TTC23: variants seen among roughly 807,000 people sequenced by gnomAD.
TTC23 encodes the protein tetratricopeptide repeat domain 23, also known as tetratricopeptide repeat protein 23.
Under a neutral mutation model 55.1 loss-of-function variants are expected in TTC23, and 58 were observed. That is an observed-to-expected ratio of 1.05 (90% CI 0.85 to 1.31). The LOEUF (loss-of-function observed/expected upper bound fraction) is 1.31. Among genes scored for constraint, TTC23 ranks in the 50% most tolerant of loss-of-function variants. The probability of loss-of-function intolerance (pLI) is 0.00; values close to 1 mark genes in which losing one functional copy is unlikely to be tolerated. For synonymous variants in TTC23, 203 were observed against 199.9 expected (o/e 1.02, Z -0.13); for missense variants, 516 against 534.4 (o/e 0.97, Z 0.34).
At chr15:99,199,705 G>C (rs1195044215) in intron 9 of TTC23, among the ~76,000 whole-genome samples, 1 of 152,118 alleles carries the variant, frequency 6.6e-6, no homozygotes, top group Non-Finnish European at 1.5e-5. Flanking sequence ...GGCTGTTTGT[G>C]GTTTGTGCAA....
At chr15:99,165,559 T>A (rs1404999112) in intron 10 of TTC23, among the ~76,000 whole-genome samples, 2 of 152,224 alleles carry the variant, frequency 1.3e-5, no homozygotes, top group African/African-American at 4.8e-5. Context: ...CAGCTGGCCC[T>A]GGGGTCTGCA....
intron 5 of TTC23, among the ~76,000 whole-genome samples, chr15:99,225,196 C>G (rs1362415202): frequency 6.6e-6 from 1 of 152,160 alleles, no homozygotes; most frequent in African/African-American, 2.4e-5. Flanking sequence ...ATACAAGAAA[C>G]AGCTTGTCCT....
At chr15:99,181,489 T>G (rs2151945477) in intron 9 of TTC23, among the ~76,000 whole-genome samples, 3 of 152,318 alleles carry the variant, frequency 2.0e-5, no homozygotes, top group East Asian at 3.9e-4. Flanking sequence ...GTTTGTGCCT[T>G]AATTCAAAAG....
In TTC23 at chr15:99,195,149, G is replaced by A. The variant is rs564258060; in HGVS notation, c.759+4770C>T. Reference sequence around the variant, plus strand: ...TGTCAAGAGAATTAAAAGAAAAGCCGCAGACTGGGAGAAAATCTTACAAAA... The same window carrying A: ...TGTCAAGAGAATTAAAAGAAAAGCCACAGACTGGGAGAAAATCTTACAAAA... On this transcript the variant is annotated intron_variant, in intron 9 of 13. Transcript: ENST00000394132. Among the ~76,000 whole-genome samples, 5 of 152,238 alleles carry A rather than the reference G, an allele frequency of 3.3e-5. No individual in the cohort carries two copies. In the South Asian group the frequency reaches 6.2e-4, roughly 19 times the overall value.
At chr15:99,148,317 C>T (rs1428745731) in intron 12 of TTC23, among the ~76,000 whole-genome samples, 4 of 126,518 alleles carry the variant, frequency 3.2e-5, no homozygotes, top group Non-Finnish European at 6.3e-5. Context: ...GCCGAGATCG[C>T]GACACTGCAC....
intron 5 of TTC23, among the ~76,000 whole-genome samples, chr15:99,222,612 C>T (rs1418885940): frequency 6.6e-6 from 1 of 152,188 alleles, no homozygotes; most frequent in East Asian, 1.9e-4. Flanking sequence ...CAGTTTCATT[C>T]AGGGATAGGA....
rs782797991 is a variant in TTC23 at position 99,137,998 on chromosome 15, A to G, written c.*12T>C. Reference sequence around the variant, plus strand: ...GCCCAGGAATGTCCTAGGCTTTTTCAGGGTGGGGGCCTCAGTCTGCTGTTG... The same window carrying G: ...GCCCAGGAATGTCCTAGGCTTTTTCGGGGTGGGGGCCTCAGTCTGCTGTTG... On this transcript the variant is annotated 3_prime_UTR_variant, in exon 14 of 14. Coordinates refer to ENST00000394132, the MANE Select transcript of TTC23 (RefSeq NM_001288615.3). The G allele has an allele frequency of 1.2e-6, 2 of 1,614,006 alleles. No individual in the cohort carries two copies. The highest frequency in any genetic ancestry group is 4.5e-5 in the East Asian group (2 of 44,870).
At chr15:99,239,205 T>A (rs1431201113) in intron 3 of TTC23, among the ~76,000 whole-genome samples, 1 of 152,080 alleles carries the variant, frequency 6.6e-6, no homozygotes, top group Non-Finnish European at 1.5e-5. Context: ...AAAGGTCGGC[T>A]GGGCATGGTG....
chr15:99,207,199 T>A (rs962186456), intron 8 of TTC23, among the ~76,000 whole-genome samples: 8 of 152,080 alleles, frequency 5.3e-5, no homozygotes, highest in Non-Finnish European at 1.2e-4. Context: ...AAAAGATAGG[T>A]AAAATTGATC....
At chr15:99,138,331 TCAGA>T (rs1217779309) in intron 13 of TTC23, among the ~76,000 whole-genome samples, 8 of 152,104 alleles carry the variant, frequency 5.3e-5, no homozygotes, top group African/African-American at 1.7e-4. Flanking sequence ...TTTTTTTTTT[TCAGA>T]CAGAGTCTCA....
Position 99,221,804 on chromosome 15 carries a change from C to A in TTC23, c.241G>T (p.Asp81Tyr). 6.2e-7 allele frequency: 1 copy of A among 1,614,186 alleles called. No individual in the cohort carries two copies. The highest frequency in any genetic ancestry group is 8.5e-7 in the Non-Finnish European group (1 of 1,180,030). The change falls in exon 6 of 14, where the codon GAC becomes TAC. Residue 81 changes from aspartate to tyrosine, a missense_variant. By Grantham distance (160) the Asp-to-Tyr change is radical. Coordinates refer to ENST00000394132, the MANE Select transcript of TTC23 (RefSeq NM_001288615.3). ...CVALTRICYG[D>Y]SHWKLAEAHV... ...GCCTCTGCTAGTTTCCAATGTGAGT[C>A]TCCATAGCAAATTCTTGTCAGTGCT...
intron 3 of TTC23, among the ~76,000 whole-genome samples, chr15:99,238,341 T>C (rs2079493136): frequency 6.6e-6 from 1 of 152,076 alleles, no homozygotes; most frequent in Non-Finnish European, 1.5e-5. Context: ...GGCTAATGTA[T>C]TACGCAGAAA....
At chr15:99,184,194 G>A (rs188391074) in intron 9 of TTC23, among the ~76,000 whole-genome samples, 1 of 152,352 alleles carries the variant, frequency 6.6e-6, no homozygotes, top group East Asian at 1.9e-4. Context: ...TGCTAGGGCA[G>A]TGTGGAAAGG....
intron 9 of TTC23, among the ~76,000 whole-genome samples, chr15:99,176,634 T>C (rs1316397800): frequency 1.3e-5 from 2 of 151,986 alleles, no homozygotes; most frequent in Non-Finnish European, 2.9e-5. Context: ...CACAAAAAGA[T>C]AAAAAAGGAA....
chr15:99,244,975 T>C (rs893782581), intron 2 of TTC23, among the ~76,000 whole-genome samples: 3 of 152,186 alleles, frequency 2.0e-5, no homozygotes, highest in Admixed American at 6.5e-5. Flanking sequence ...ATGGTAACTA[T>C]AGAAAATAAT....
intron 8 of TTC23, among the ~76,000 whole-genome samples, 185 bp from the exon 9 acceptor site, chr15:99,200,281 C>G (rs927840539): frequency 6.6e-6 from 1 of 152,134 alleles, no homozygotes; most frequent in African/African-American, 2.4e-5. Flanking sequence ...TCTGGAATCA[C>G]CAGGAAGGTT....
chr15:99,147,153 C>A (rs1555493981), intron 12 of TTC23, among the ~76,000 whole-genome samples: 1 of 150,146 alleles, frequency 6.7e-6, no homozygotes, highest in Non-Finnish European at 1.5e-5. Context: ...GACAGGTGGT[C>A]CACCCACCTC....
chr15:99,138,101 C>G lies in TTC23; in HGVS notation c.1253G>C (p.Arg418Thr). ...STAPKVASKPRQASKAKVAFC... is the reference protein window; with the variant it reads ...STAPKVASKPTQASKAKVAFC... ...GGCCACTTTGGCTTTTGATGCCTGC[C>G]TTGGCTTCGAAGCAACCTTGGGGGC... The change falls in exon 14 of 14, where the codon AGG becomes ACG. Residue 418 changes from arginine to threonine, a missense_variant. Arg to Thr is a moderately conservative substitution (Grantham distance 71, BLOSUM62 -1). Coordinates refer to ENST00000394132, the MANE Select transcript of TTC23 (RefSeq NM_001288615.3). 3 of 1,613,142 alleles carry G rather than the reference C, an allele frequency of 1.9e-6. No individual in the cohort carries two copies. The highest frequency in any genetic ancestry group is 2.5e-6 in the Non-Finnish European group (3 of 1,180,004).
chr15:99,209,217 TC>T (rs2076852483), intron 8 of TTC23, among the ~76,000 whole-genome samples: 1 of 152,212 alleles, frequency 6.6e-6, no homozygotes, highest in Non-Finnish European at 1.5e-5. Context: ...CAACAGAGTT[TC>T]CTTTTAAAAA....
Sources: gnomAD v4.1 joint callset for allele counts (sites outside exome capture counted in the v4.1 genomes callset) on GRCh38, gnomAD v4.1.1 for gene constraint, MANE v1.5 for transcripts, NCBI Gene and HGNC (gene_info 2026-07-23, HGNC 2026-07-21) for gene names.